LARP1: variants seen among roughly 807,000 people sequenced by gnomAD.
LARP1 encodes la-related protein 1.
LARP1 carries 36 observed loss-of-function variants against 122.7 expected under a neutral mutation model. The observed-to-expected ratio is 0.29, with a 90% CI of 0.22 to 0.39. The LOEUF (loss-of-function observed/expected upper bound fraction) is 0.39. Among genes scored for constraint, LARP1 ranks in the 10% least tolerant of loss-of-function variants. The pLI is 1.00. For synonymous variants in LARP1, 539 were observed against 528.7 expected (o/e 1.02, Z -0.27); for missense variants, 1,040 against 1,403.6 (o/e 0.74, Z 4.14).
intron 14 of LARP1, 118 bp from the exon 15 acceptor site, chr5:154,805,763 G>T (rs906921537): frequency 2.6e-5 from 29 of 1,098,782 alleles, no homozygotes; most frequent in Non-Finnish European, 3.4e-5. Context: ...GGGCCTCCTT[G>T]TTTGATACCC....
intron 1 of LARP1, among the ~76,000 whole-genome samples, chr5:154,702,992 G>A (rs910023066): frequency 1.3e-5 from 2 of 151,896 alleles, no homozygotes; most frequent in African/African-American, 2.4e-5. Flanking sequence ...GTGGTGGCGC[G>A]TGCCTGCAGT....
intron 7 of LARP1, among the ~76,000 whole-genome samples, chr5:154,794,853 A>G (rs1757621035): frequency 6.6e-6 from 1 of 152,226 alleles, no homozygotes; most frequent in Non-Finnish European, 1.5e-5. Context: ...AATGGTTGCA[A>G]TAGAGTGTTT....
At chr5:154,813,302 C>A (rs566633263) in intron 18 of LARP1, among the ~76,000 whole-genome samples, 1 of 152,230 alleles carries the variant, frequency 6.6e-6, no homozygotes, top group African/African-American at 2.4e-5. Context: ...AGTTTTGGTT[C>A]CCAAAATGGG....
intron 18 of LARP1, 139 bp from the exon 19 acceptor site, chr5:154,813,748 C>CTTATAAT: frequency 1.4e-6 from 1 of 736,750 alleles, no homozygotes. Context: ...CGCTTAATAA[C>CTTATAAT]TTATAATTTA....
chr5:154,782,356 TG>T (rs1338476939), intron 1 of LARP1, among the ~76,000 whole-genome samples: 1 of 152,174 alleles, frequency 6.6e-6, no homozygotes, highest in Non-Finnish European at 1.5e-5. Context: ...ATTTCAGCTG[TG>T]TTGATTATTG....
In LARP1 at chr5:154,755,736, C is replaced by T. The variant is rs1310186107; in HGVS notation, c.-22C>T. ...AGGCAGCCTCGGGCGCGCCCGGCTT[C>T]TCCGGGGGGGCGGGCGCGCAGATGG... On this transcript the variant is annotated 5_prime_UTR_variant, in exon 1 of 19. Transcript: ENST00000518297. The T allele has an allele frequency of 3.0e-6, 3 of 987,376 alleles. No homozygotes were observed. The highest frequency in any genetic ancestry group is 2.3e-4 in the East Asian group (2 of 8,730). 61.2% of individuals were successfully genotyped at this position (987,376 alleles called of 1,614,324 possible).
At chr5:154,805,755 G>A in intron 14 of LARP1, 126 bp from the exon 15 acceptor site, 2 of 954,326 alleles carry the variant, frequency 2.1e-6, no homozygotes, top group African/African-American at 1.6e-5. Flanking sequence ...CCGTAACTGG[G>A]CCTCCTTGTT....
chr5:154,805,805 G>A, intron 14 of LARP1, 76 bp from the exon 15 acceptor site: 1 of 1,503,760 alleles, frequency 6.6e-7, no homozygotes, highest in African/African-American at 1.4e-5. Context: ...TGACAGAACG[G>A]ATCAGAGGGA....
At chr5:154,762,372 C>G (rs1248966207) in intron 1 of LARP1, among the ~76,000 whole-genome samples, 1 of 152,166 alleles carries the variant, frequency 6.6e-6, no homozygotes, top group Non-Finnish European at 1.5e-5. Flanking sequence ...TTATCTGTGC[C>G]TTTCCGGAAC....
At chr5:154,775,221 G>C (rs1016156236) in intron 1 of LARP1, among the ~76,000 whole-genome samples, 2 of 152,188 alleles carry the variant, frequency 1.3e-5, no homozygotes, top group African/African-American at 4.8e-5. Flanking sequence ...GATCGTGTGA[G>C]TTCAGGAGCT....
At chr5:154,768,728 C>G (rs1297751580) in intron 1 of LARP1, among the ~76,000 whole-genome samples, 1 of 152,014 alleles carries the variant, frequency 6.6e-6, no homozygotes, top group African/African-American at 2.4e-5. Context: ...ACTACAGGCA[C>G]GCGCCACCAT....
At chr5:154,691,884 G>A (rs72797571) in intron 1 of LARP1, among the ~76,000 whole-genome samples, 2,444 of 151,992 alleles carry the variant, frequency 0.016, 26 homozygotes, top group Middle Eastern at 0.027. Context: ...CCCCCTCCGG[G>A]GCTTAGGCGA....
chr5:154,754,819 G>A (rs554751497), upstream of LARP1, among the ~76,000 whole-genome samples: 102 of 152,312 alleles, frequency 6.7e-4, no homozygotes, highest in African/African-American at 2.3e-3. Flanking sequence ...CAGGCCCGCC[G>A]GGCACAGGGG....
chr5:154,745,942 C>T (rs919899878), intron 1 of LARP1, among the ~76,000 whole-genome samples: 7 of 152,052 alleles, frequency 4.6e-5, no homozygotes, highest in African/African-American at 1.4e-4. Flanking sequence ...ATTACAGGTA[C>T]GCGCCACCAC....
At chr5:154,765,722 G>A (rs1300338326) in intron 1 of LARP1, among the ~76,000 whole-genome samples, 1 of 152,178 alleles carries the variant, frequency 6.6e-6, no homozygotes, top group Non-Finnish European at 1.5e-5. Context: ...TATCACCACT[G>A]GGTCAGGGAC....
chr5:154,759,840 A>G (rs765474310), intron 1 of LARP1, among the ~76,000 whole-genome samples: 9 of 152,220 alleles, frequency 5.9e-5, no homozygotes, highest in African/African-American at 9.6e-5. Flanking sequence ...AACGCTTAAA[A>G]TAGGCTTTAT....
intron 1 of LARP1, among the ~76,000 whole-genome samples, chr5:154,736,118 T>A (rs955312110): frequency 6.6e-6 from 1 of 151,242 alleles, no homozygotes; most frequent in Admixed American, 6.6e-5. Context: ...TTTTTTGAGA[T>A]GGAGTCTTGC....
intron 1 of LARP1, among the ~76,000 whole-genome samples, chr5:154,782,891 G>A (rs954364759): frequency 6.6e-6 from 1 of 152,160 alleles, no homozygotes; most frequent in Non-Finnish European, 1.5e-5. Context: ...TGCTTAGGGG[G>A]TCCTGGGGTC....
At chr5:154,796,017 ATATT>A (rs1178233857) in intron 8 of LARP1, among the ~76,000 whole-genome samples, 15 of 101,092 alleles carry the variant, frequency 1.5e-4, no homozygotes, top group African/African-American at 5.9e-4. Flanking sequence ...ATATATTTAT[ATATT>A]ATATATATTT....
Sources: allele counts gnomAD v4.1 joint callset (sites outside exome capture counted in the v4.1 genomes callset), GRCh38; gene constraint gnomAD v4.1.1; transcripts MANE v1.5; gene names NCBI Gene and HGNC (gene_info 2026-07-23, HGNC 2026-07-21).